CACNA1A: variants seen among roughly 807,000 people sequenced by gnomAD.
The protein encoded by CACNA1A is calcium voltage-gated channel subunit alpha1 A.
CACNA1A carries 57 observed loss-of-function variants against 262.4 expected under a neutral mutation model. The ratio of observed to expected loss-of-function variants is 0.22; its 90% CI spans 0.18 to 0.27. The LOEUF is 0.27. CACNA1A is among the 10% of genes least tolerant of loss of function. The probability of loss-of-function intolerance (pLI) is 1.00; values close to 1 mark genes in which losing one functional copy is unlikely to be tolerated. For synonymous variants in CACNA1A, 1,431 were observed against 1,419.3 expected (o/e 1.01, Z -0.18); for missense variants, 2,526 against 3,562.8 (o/e 0.71, Z 7.41).
Position 13,241,618 on chromosome 19 carries a change from T to C in CACNA1A, c.4950+3564A>G. 1.3e-6 allele frequency: 1 copy of C among 740,834 alleles called. No homozygotes were observed. Among genetic ancestry groups the C allele is most frequent in the Non-Finnish European group, 2.3e-6 (1 of 438,398 alleles). 45.9% of individuals were successfully genotyped at this position (740,834 alleles called of 1,614,324 possible). On this transcript the variant is annotated intron_variant, in intron 31 of 46. Transcript: ENST00000360228. The surrounding 1 kb of genome is among the most constrained non-coding windows in gnomAD (Gnocchi z 4.0). The stretch of plus-strand genomic sequence containing the variant: ...ATTTTTTAGGTTGATTTGTAACCAG[T>C]GCCAAAAAACCAATGGGTTTCGGTT...
At chr19:13,295,495 CTTTT>C (rs199565067) in intron 19 of CACNA1A, among the ~76,000 whole-genome samples, 1 of 141,038 alleles carries the variant, frequency 7.1e-6, no homozygotes, top group Non-Finnish European at 1.5e-5. Context: ...TTCTTTCTTT[CTTTT>C]TTTTTTTTTT....
In CACNA1A at chr19:13,219,546, C is replaced by T. The variant is rs923500198; in HGVS notation, c.5732-4938G>A. ...GGTGTTGTTAGACCCGTTGTACAAACGAAGGAACTGTGGTAGGCAGAATTC... is the reference window on the plus strand; with the variant it reads ...GGTGTTGTTAGACCCGTTGTACAAATGAAGGAACTGTGGTAGGCAGAATTC... On this transcript the variant is annotated intron_variant, in intron 38 of 46. Coordinates refer to ENST00000360228, the MANE Select transcript of CACNA1A (RefSeq NM_001127222.2). 3.3e-5 allele frequency among the ~76,000 whole-genome samples: 5 copies of T among 152,210 alleles called. 1 individual carries two copies. Among genetic ancestry groups the T allele is most frequent in the South Asian group, 2.1e-4 (1 of 4,826 alleles).
rs2056089629 is a variant in CACNA1A at position 13,241,824 on chromosome 19, A to C, written c.4950+3358T>G. 6.6e-6 allele frequency among the ~76,000 whole-genome samples: 1 copy of C among 152,166 alleles called. No individual in the cohort carries two copies. Among genetic ancestry groups the C allele is most frequent in the Non-Finnish European group, 1.5e-5 (1 of 68,024 alleles). The stretch of plus-strand genomic sequence containing the variant: ...AAGAGCAGGCATGAAAAGAGACAAG[A>C]CAAGAAACACAGTCATTATCCATTG... On this transcript the variant is annotated intron_variant, in intron 31 of 46. Transcript: ENST00000360228. The surrounding 1 kb of genome is among the most constrained non-coding windows in gnomAD (Gnocchi z 4.0).
intron 3 of CACNA1A, among the ~76,000 whole-genome samples, chr19:13,442,130 A>C (rs560478491): frequency 5.9e-5 from 9 of 152,306 alleles, no homozygotes; most frequent in African/African-American, 2.2e-4. Flanking sequence ...GTTAGCGCCG[A>C]GTAGACCCCA....
chr19:13,359,553 G>C, intron 6 of CACNA1A, 53 bp downstream of exon 6: 2 of 1,435,136 alleles, frequency 1.4e-6, no homozygotes, highest in Non-Finnish European at 1.9e-6. Context: ...GTCCCAGGAG[G>C]CCACCTCCCT....
intron 38 of CACNA1A, 126 bp downstream of exon 38, chr19:13,224,541 C>T (rs896042173): frequency 3.4e-5 from 22 of 645,130 alleles, no homozygotes; most frequent in African/African-American, 1.1e-4. Flanking sequence ...CCCTGTGGAA[C>T]GAATGAATGG....
At chr19:13,464,543 A>ATTTTTTTTTTTTTTTTTTTTTTTTTT (rs540418372) in intron 1 of CACNA1A, among the ~76,000 whole-genome samples, 7 of 128,952 alleles carry the variant, frequency 5.4e-5, no homozygotes, top group African/African-American at 1.6e-4. Flanking sequence ...AACTTTTCCA[A>ATTTTTTTTTTTTTTTTTTTTTTTTTT]TTTTTTTTTT....
chr19:13,331,116 C>A (rs1026000799), intron 9 of CACNA1A, among the ~76,000 whole-genome samples: 2 of 152,086 alleles, frequency 1.3e-5, no homozygotes, highest in Non-Finnish European at 2.9e-5. Flanking sequence ...GTTAGGTAAT[C>A]TCCCCTCCCC....
In CACNA1A at chr19:13,332,882, C is replaced by A. The variant is rs763099796; in HGVS notation, c.1242G>T (p.Arg414Ser). Residue 414 changes from arginine to serine, a missense_variant, in exon 9 of 47, where the codon AGG (arginine) becomes AGT (serine). Arg to Ser is a moderately radical substitution (Grantham distance 110). Around this residue, in one of 17 missense-constraint regions of CACNA1A, gnomAD observed 104 missense variants for 127.6 expected, o/e 0.81. Coordinates refer to ENST00000360228, the MANE Select transcript of CACNA1A (RefSeq NM_001127222.2). ...TAGAGCAGTTACCATCAAAGGGATG[C>A]CTCTGCTCCCCGTCAGTTTCATCCT... ...LAEDETDGEQ[R>S]HPFDALRRTT... 1 of 1,611,962 alleles carries A rather than the reference C, an allele frequency of 6.2e-7. No homozygotes were observed. The highest frequency in any genetic ancestry group is 8.5e-7 in the Non-Finnish European group (1 of 1,178,286).
chr19:13,242,469 T>C (rs965976092), intron 31 of CACNA1A, among the ~76,000 whole-genome samples: 2 of 151,994 alleles, frequency 1.3e-5, no homozygotes, highest in Non-Finnish European at 2.9e-5. Flanking sequence ...CTAATTTTTG[T>C]ATTTTTAGTA....
chr19:13,379,967 A>G (rs1055101858), intron 3 of CACNA1A, among the ~76,000 whole-genome samples: 25 of 131,682 alleles, frequency 1.9e-4, no homozygotes, highest in Non-Finnish European at 3.3e-4. Flanking sequence ...AGCACTGCCC[A>G]GGAGAAATCT....
intron 1 of CACNA1A, among the ~76,000 whole-genome samples, chr19:13,496,764 G>C (rs1174695729): frequency 6.6e-6 from 1 of 152,334 alleles, no homozygotes. Flanking sequence ...CAGTGGATCA[G>C]AGAAGCCCAA....
chr19:13,298,873 G>A lies in CACNA1A; in HGVS notation c.2760C>T (p.Ala920=). ...LEQPGFWEGE[A]ERGKAGDPHR... ...GGGGGTCCCCGGCCTTGCCTCGCTCGGCCTCGCCCTCCCAGAACCCGGGTT... is the reference window on the plus strand; with the variant it reads ...GGGGGTCCCCGGCCTTGCCTCGCTCAGCCTCGCCCTCCCAGAACCCGGGTT... The change falls in exon 19 of 47, where the codon GCC becomes GCT. Residue 920 remains alanine, a synonymous_variant. Transcript: ENST00000360228. 1 of 1,591,818 alleles carries A rather than the reference G, an allele frequency of 6.3e-7. No homozygotes were observed. Among genetic ancestry groups the A allele is most frequent in the Non-Finnish European group, 8.5e-7 (1 of 1,176,946 alleles).
chr19:13,412,637 C>A (rs937119803), intron 3 of CACNA1A, among the ~76,000 whole-genome samples: 1 of 151,788 alleles, frequency 6.6e-6, no homozygotes, highest in Non-Finnish European at 1.5e-5. Context: ...GCCACCATAC[C>A]TGACTAATTT....
At chr19:13,278,797 T>C (rs1453873875) in intron 22 of CACNA1A, among the ~76,000 whole-genome samples, 1 of 152,120 alleles carries the variant, frequency 6.6e-6, no homozygotes, top group Non-Finnish European at 1.5e-5. Context: ...CTGTGATCTG[T>C]GTGGTTATAA....
chr19:13,455,085 C>A, intron 2 of CACNA1A, 22 bp downstream of exon 2: 2 of 1,462,306 alleles, frequency 1.4e-6, no homozygotes, highest in Non-Finnish European at 1.9e-6. Context: ...AGGAGAAGAC[C>A]CTGAGAAAAG....
chr19:13,289,729 T>C (rs1247634328), intron 19 of CACNA1A, among the ~76,000 whole-genome samples: 1 of 152,154 alleles, frequency 6.6e-6, no homozygotes, highest in African/African-American at 2.4e-5. Flanking sequence ...TCTCAGGCCT[T>C]GAAACCTAAT....
At chr19:13,372,665 G>A (rs1427958285) in intron 3 of CACNA1A, among the ~76,000 whole-genome samples, 1 of 152,172 alleles carries the variant, frequency 6.6e-6, no homozygotes, top group East Asian at 1.9e-4. Context: ...AGGGTTGTGA[G>A]GATTCAGTAA....
intron 3 of CACNA1A, among the ~76,000 whole-genome samples, chr19:13,432,888 G>A (rs2060538929): frequency 6.6e-6 from 1 of 152,106 alleles, no homozygotes; most frequent in Non-Finnish European, 1.5e-5. Flanking sequence ...GCTGGGTGCA[G>A]TGGCTCATGT....
Sources: allele counts gnomAD v4.1 joint callset (sites outside exome capture counted in the v4.1 genomes callset), GRCh38; gene constraint gnomAD v4.1.1; regional missense constraint gnomAD v4.1.1; non-coding constraint Gnocchi (gnomAD v3.1); transcripts MANE v1.5; gene names NCBI Gene and HGNC (gene_info 2026-07-23, HGNC 2026-07-21).